Variants in TEX9 observed in about 807,000 individuals in gnomAD.
TEX9 encodes testis-expressed protein 9.
In TEX9, 74 loss-of-function variants were observed where a neutral mutation model predicts 59.6. That is an observed-to-expected ratio of 1.24 (90% confidence interval 1.03 to 1.51). The LOEUF is 1.51. TEX9 is among the 40% of genes most tolerant of loss of function. The pLI, the probability that TEX9 is intolerant of heterozygous loss-of-function variation, is 0.00. For missense variants in TEX9, 522 were observed against 447.8 expected, an observed-to-expected ratio of 1.17 and a Z score of -1.49; for synonymous variants, 186 against 152.2, an observed-to-expected ratio of 1.22 and a Z score of -1.64.
chr15:56,310,758 G>C (rs184145326), intron 1 of TEX9, among the ~76,000 whole-genome samples: 7 of 152,326 alleles, frequency 4.6e-5, no homozygotes, highest in Non-Finnish European at 1.0e-4. Context: ...CAGAGAAAAA[G>C]AGGGTCAGGG....
chr15:56,259,419 A>G (rs573951800), intron 1 of TEX9, among the ~76,000 whole-genome samples: 68 of 152,202 alleles, frequency 4.5e-4, no homozygotes, highest in African/African-American at 1.6e-3. Context: ...TAATTTAATC[A>G]GCATTAATTT....
At chr15:56,376,932 TGGCAAGAGGTAGG>T (rs2047482566) in intron 3 of TEX9, among the ~76,000 whole-genome samples, 1 of 152,226 alleles carries the variant, frequency 6.6e-6, no homozygotes, top group Non-Finnish European at 1.5e-5. Flanking sequence ...TACTTGTATA[TGGCAAGAGGTAGG>T]GGTCTAGTCT....
intron 12 of TEX9, chr15:56,429,636 ATC>A (rs1165252749): frequency 1.3e-5 from 2 of 152,844 alleles, no homozygotes; most frequent in African/African-American, 4.8e-5. Context: ...GCAGAAAAGA[ATC>A]CAGGTTTGGA....
intron 1 of TEX9, among the ~76,000 whole-genome samples, chr15:56,295,539 T>A (rs1882429455): frequency 6.6e-6 from 1 of 152,192 alleles, no homozygotes; most frequent in Non-Finnish European, 1.5e-5. Flanking sequence ...CTGGCCCTGC[T>A]CCTTTAAAAG....
At chr15:56,264,951 T>C (rs750376768) in intron 1 of TEX9, among the ~76,000 whole-genome samples, 1 of 152,198 alleles carries the variant, frequency 6.6e-6, no homozygotes, top group African/African-American at 2.4e-5. Context: ...TTGGTTCCAC[T>C]GTTGTTTATG....
At chr15:56,284,152 A>C (rs1479687042) in intron 1 of TEX9, among the ~76,000 whole-genome samples, 2 of 152,226 alleles carry the variant, frequency 1.3e-5, no homozygotes, top group East Asian at 1.9e-4. Flanking sequence ...TAGTAATTAC[A>C]CTTCTCCTTT....
At chr15:56,395,511 A>G (rs2048425557) in intron 9 of TEX9, 1 of 152,174 alleles carries the variant, frequency 6.6e-6, no homozygotes, top group Non-Finnish European at 1.5e-5. Context: ...TTGCTGGGTC[A>G]TATGGAAATC....
chr15:56,363,268 C>CTTTTTT (rs749991135), upstream of TEX9, among the ~76,000 whole-genome samples: 1 of 142,822 alleles, frequency 7.0e-6, no homozygotes, highest in African/African-American at 2.6e-5. Context: ...ATTGTCCATC[C>CTTTTTT]TTTTTTTTTT....
At chr15:56,244,957 C>G (rs1174804465) in intron 1 of TEX9, among the ~76,000 whole-genome samples, 4 of 152,202 alleles carry the variant, frequency 2.6e-5, no homozygotes, top group African/African-American at 9.6e-5. Flanking sequence ...GCCAAGGCCT[C>G]TGGCACCAAA....
intron 1 of TEX9, among the ~76,000 whole-genome samples, chr15:56,266,800 T>C (rs1254731528): frequency 6.6e-6 from 1 of 152,224 alleles, no homozygotes; most frequent in East Asian, 1.9e-4. Context: ...TGTGCATATG[T>C]CTTTATAGCA....
chr15:56,323,480 A>C, intron 1 of TEX9: 1 of 187,452 alleles, frequency 5.3e-6, no homozygotes, highest in Non-Finnish European at 1.1e-5. Flanking sequence ...GAACTGGGAG[A>C]GATGTGGAAT....
chr15:56,312,527 A>G (rs2045646389), intron 1 of TEX9, among the ~76,000 whole-genome samples: 1 of 149,872 alleles, frequency 6.7e-6, no homozygotes, highest in African/African-American at 2.5e-5. Flanking sequence ...TACCAGTACC[A>G]TGCTCTTTTG....
chr15:56,407,238 A>G (rs1379291769), intron 9 of TEX9, among the ~76,000 whole-genome samples: 1 of 152,156 alleles, frequency 6.6e-6, no homozygotes, highest in Non-Finnish European at 1.5e-5. Flanking sequence ...AGTGAAGGAA[A>G]TGAATTGGCT....
intron 1 of TEX9, among the ~76,000 whole-genome samples, chr15:56,327,092 AT>A (rs2046034763): frequency 6.6e-6 from 1 of 152,142 alleles, no homozygotes; most frequent in East Asian, 1.9e-4. Flanking sequence ...TTTCATTCAG[AT>A]TTTTTCCAAA....
At chr15:56,378,835 G>A (rs2142097498) in intron 3 of TEX9, among the ~76,000 whole-genome samples, 1 of 152,142 alleles carries the variant, frequency 6.6e-6, no homozygotes, top group East Asian at 1.9e-4. Flanking sequence ...GGAGGCCAAG[G>A]CACGTGACTC....
At chr15:56,407,001 T>C (rs1463203213) in intron 9 of TEX9, among the ~76,000 whole-genome samples, 6 of 152,132 alleles carry the variant, frequency 3.9e-5, no homozygotes, top group Non-Finnish European at 8.8e-5. Flanking sequence ...GGTGCTTTTT[T>C]CCCCATTCTA....
At chr15:56,460,009 A>AAAATATATATATAT in the TEX9 span, among the ~76,000 whole-genome samples, 6 of 26,384 alleles carry the variant, frequency 2.3e-4, 1 homozygote, top group African/African-American at 9.0e-4. Flanking sequence ...AAAAAAAAAA[A>AAAATATATATATAT]ATACATATAT....
At chr15:56,253,566 G>C (rs1331011249) in intron 1 of TEX9, among the ~76,000 whole-genome samples, 1 of 151,692 alleles carries the variant, frequency 6.6e-6, no homozygotes, top group Non-Finnish European at 1.5e-5. Flanking sequence ...TAGAGATGAG[G>C]GTCTGTGCTT....
At position 56,431,667 on chromosome 15, in the gene TEX9, G is replaced by C. The variant is rs761576564; in HGVS notation, c.*29+3194G>C. Among the ~76,000 whole-genome samples the C allele has an allele frequency of 1.3e-5, 2 of 151,742 alleles. 1 individual carries two copies. Among genetic ancestry groups the C allele is most frequent in the Non-Finnish European group, 2.9e-5 (2 of 67,962 alleles). On this transcript the variant is annotated intron_variant, in intron 12 of 12. Coordinates refer to ENST00000352903, the Ensembl canonical transcript of TEX9. ...TTTTTAAAATATATATTTTATGTCT[G>C]TACACATATCTATGTATTTTTTACT...
Sources: gnomAD v4.1 joint callset for allele counts (sites outside exome capture counted in the v4.1 genomes callset) on GRCh38, gnomAD v4.1.1 for gene constraint, MANE v1.5 for transcripts, NCBI Gene and HGNC (gene_info 2026-07-23, HGNC 2026-07-21) for gene names.